The following MYO5B variants were observed in gnomAD, a reference collection of about 807,000 sequenced individuals.
MYO5B encodes the protein unconventional myosin-Vb.
A neutral mutation model predicts 229.3 loss-of-function variants in MYO5B; 143 were observed. The observed-to-expected ratio is 0.62, with a 90% CI of 0.54 to 0.72. MYO5B has a LOEUF of 0.72. Ranked by LOEUF, MYO5B falls within the 30% of genes least tolerant of loss-of-function variation. The pLI is 0.00. For missense variants in MYO5B, 2,321 were observed against 2,331.0 expected, an observed-to-expected ratio of 1.00 and a Z score of 0.09; for synonymous variants, 918 against 885.2, an observed-to-expected ratio of 1.04 and a Z score of -0.66.
At chr18:50,010,113 G>T (rs2026146149) in intron 4 of MYO5B, among the ~76,000 whole-genome samples, 1 of 152,228 alleles carries the variant, frequency 6.6e-6, no homozygotes, top group Non-Finnish European at 1.5e-5. Flanking sequence ...GGCAGGTAGA[G>T]TCCCAAGTGC....
intron 4 of MYO5B, among the ~76,000 whole-genome samples, chr18:50,006,405 G>C (rs561072667): frequency 8.5e-5 from 13 of 152,260 alleles, no homozygotes; most frequent in East Asian, 7.7e-4. Flanking sequence ...CATTGGCAAG[G>C]AATTTAGTAC....
At chr18:49,983,086 T>C (rs1025929471) in intron 8 of MYO5B, among the ~76,000 whole-genome samples, 1 of 152,172 alleles carries the variant, frequency 6.6e-6, no homozygotes, top group Non-Finnish European at 1.5e-5. Flanking sequence ...GATAGGCATG[T>C]AGTGCTGAGG....
At chr18:50,194,280 T>TG (rs2033268329) in intron 1 of MYO5B, among the ~76,000 whole-genome samples, 1 of 152,260 alleles carries the variant, frequency 6.6e-6, no homozygotes, top group African/African-American at 2.4e-5. Flanking sequence ...GTTGTGGGTA[T>TG]GCGGGAGGAA....
chr18:50,013,000 A>G (rs981172295), intron 4 of MYO5B, among the ~76,000 whole-genome samples: 9 of 152,218 alleles, frequency 5.9e-5, no homozygotes, highest in Admixed American at 2.0e-4. Context: ...GAGCAAGCAC[A>G]CAGTGAGTGC....
intron 17 of MYO5B, among the ~76,000 whole-genome samples, chr18:49,924,585 T>C (rs527693032): frequency 6.6e-6 from 1 of 152,342 alleles, no homozygotes; most frequent in African/African-American, 2.4e-5. Flanking sequence ...TGTCTCAGGT[T>C]TGGAGCTGGC....
intron 14 of MYO5B, among the ~76,000 whole-genome samples, chr18:49,942,393 A>AAAAAAAAC: frequency 7.1e-6 from 1 of 141,278 alleles, no homozygotes; most frequent in African/African-American, 2.8e-5. Flanking sequence ...AAAAAAAAAA[A>AAAAAAAAC]AAAAAAAAAA....
chr18:49,995,447 G>A (rs978810500), intron 5 of MYO5B, among the ~76,000 whole-genome samples: 19 of 150,242 alleles, frequency 1.3e-4, no homozygotes, highest in Non-Finnish European at 2.5e-4. Context: ...TTTTTGTAGA[G>A]ACAGGGTTTC....
At chr18:49,928,841 A>T (rs550694067) in intron 17 of MYO5B, among the ~76,000 whole-genome samples, 2 of 152,332 alleles carry the variant, frequency 1.3e-5, no homozygotes, top group African/African-American at 4.8e-5. Context: ...GTTAGAGACC[A>T]TTATTCTAAG....
intron 5 of MYO5B, among the ~76,000 whole-genome samples, chr18:49,992,763 T>C (rs986764493): frequency 3.9e-5 from 6 of 152,120 alleles, no homozygotes; most frequent in African/African-American, 1.2e-4. Flanking sequence ...GTACCAGCTA[T>C]AGCAGTTATC....
At chr18:50,154,423 A>G (rs2032648860) in intron 1 of MYO5B, among the ~76,000 whole-genome samples, 1 of 152,166 alleles carries the variant, frequency 6.6e-6, no homozygotes, top group South Asian at 2.1e-4. Flanking sequence ...ATGCTCCACC[A>G]TGCCTTCTTT....
At chr18:49,847,344 G>A in intron 32 of MYO5B, 55 bp from the exon 33 acceptor site, 1 of 1,590,260 alleles carries the variant, frequency 6.3e-7, no homozygotes, top group South Asian at 1.1e-5. Context: ...GCAGGCCTGA[G>A]GGTAGCGGGC....
chr18:49,904,569 A>C (rs1168097788), intron 20 of MYO5B, 103 bp downstream of exon 20: 3 of 1,445,122 alleles, frequency 2.1e-6, no homozygotes, highest in Non-Finnish European at 2.9e-6. Flanking sequence ...GCATTTAGAA[A>C]AAAGTTGGGA....
At chr18:49,930,884 T>G (rs2025182621) in intron 16 of MYO5B, among the ~76,000 whole-genome samples, 1 of 134,882 alleles carries the variant, frequency 7.4e-6, no homozygotes, top group Non-Finnish European at 1.5e-5. Flanking sequence ...AGAGTGAGAC[T>G]CTGTCTCAAA....
Position 49,872,203 on chromosome 18 carries a change from C to T in MYO5B, c.3567G>A (p.Leu1189=). The T allele has an allele frequency of 1.9e-6, 3 of 1,614,072 alleles. No homozygotes were observed. In the South Asian group the frequency reaches 3.3e-5, roughly 18 times the overall value. Residue 1189 remains leucine, a synonymous_variant, in exon 27 of 40, where the codon TTG becomes TTA. Transcript: ENST00000285039. ...TGTAGGCCAGATCTGCATTCGGGTC[C>T]AAATCTATGTCAGTCTGTGGTGGTT... The part of the protein sequence containing the change: ...QAEPPQTDID[L]DPNADLAYNS...
intron 14 of MYO5B, among the ~76,000 whole-genome samples, chr18:49,938,917 C>T (rs2025281037): frequency 6.8e-6 from 1 of 147,528 alleles, no homozygotes; most frequent in African/African-American, 2.5e-5. Context: ...GTGTCTCCCA[C>T]AGGCTCTGTG....
chr18:49,894,889 G>A (rs536900552), intron 22 of MYO5B, 52 bp downstream of exon 22: 34 of 1,520,476 alleles, frequency 2.2e-5, no homozygotes, highest in Middle Eastern at 1.7e-4. Flanking sequence ...AGGTGGCTCC[G>A]TGTGCCCACC....
chr18:50,001,846 A>G (rs1354429901), intron 4 of MYO5B, among the ~76,000 whole-genome samples: 1 of 152,082 alleles, frequency 6.6e-6, no homozygotes, highest in Non-Finnish European at 1.5e-5. Flanking sequence ...CCTGGCTAAC[A>G]TGGTGAAACC....
At chr18:50,144,188 A>AT (rs986434106) in intron 1 of MYO5B, among the ~76,000 whole-genome samples, 115 of 152,282 alleles carry the variant, frequency 7.6e-4, no homozygotes, top group Middle Eastern at 3.4e-3. Flanking sequence ...CTTTAAGTAG[A>AT]AAGGAATAGA....
rs2025801937 is a variant in MYO5B, at chr18:49,980,467, C to T, written c.1033G>A (p.Asp345Asn). ...ACTGATATACTACAGGAATCACCAT[C>T]ACGCTCAGCCTGAATCGCCACACTT... ...LGSVAIQAER[D>N]GDSCSISPQD... Residue 345 changes from aspartate to asparagine, a missense_variant, in exon 9 of 40, where the codon GAT becomes AAT. Coordinates refer to ENST00000285039, the MANE Select transcript of MYO5B (RefSeq NM_001080467.3). The T allele has an allele frequency of 6.2e-7, 1 of 1,613,166 alleles. No individual in the cohort carries two copies. Among genetic ancestry groups the T allele is most frequent in the Non-Finnish European group, 8.5e-7 (1 of 1,179,142 alleles).
Sources: gnomAD v4.1 joint callset for allele counts (sites outside exome capture counted in the v4.1 genomes callset) on GRCh38, gnomAD v4.1.1 for gene constraint, MANE v1.5 for transcripts, NCBI Gene and HGNC (gene_info 2026-07-23, HGNC 2026-07-21) for gene names.